Variants in SSRP1 observed in about 807,000 individuals in gnomAD.
SSRP1 encodes FACT complex subunit SSRP1.
In SSRP1, 21 loss-of-function variants were observed where a neutral mutation model predicts 84.4. That is an observed-to-expected ratio of 0.25 (90% CI 0.18 to 0.36). The LOEUF (loss-of-function observed/expected upper bound fraction) is 0.36. Ranked by LOEUF, SSRP1 falls within the 10% of genes least tolerant of loss-of-function variation. The pLI, the probability that SSRP1 is intolerant of heterozygous loss-of-function variation, is 1.00. For synonymous variants in SSRP1, 319 were observed against 318.3 expected (o/e 1.00, Z -0.02); for missense variants, 519 against 900.8 (o/e 0.58, Z 5.43).
chr11:57,330,061 T>C lies in SSRP1; in HGVS notation c.1481+32A>G. 1 of 1,613,816 alleles carries C rather than the reference T, an allele frequency of 6.2e-7. No individual in the cohort carries two copies. The highest frequency in any genetic ancestry group is 8.5e-7 in the Non-Finnish European group (1 of 1,179,720). Reference sequence around the variant, plus strand: ...GGTCCCTTAAGCTTATGGGTCACCATCTTATCCCCACAAGGTACCACCAAA... The same window carrying C: ...GGTCCCTTAAGCTTATGGGTCACCACCTTATCCCCACAAGGTACCACCAAA... On this transcript the variant is annotated intron_variant, in intron 12 of 16. Transcript: ENST00000278412. The surrounding 1 kb of genome is among the most constrained non-coding windows in gnomAD (Gnocchi z 4.0).
Position 57,326,835 on chromosome 11 carries a change from C to T in SSRP1, c.1926G>A (p.Thr642=), listed in dbSNP as rs747970885. ...KVKVKMEKKS[T]PSRGSSSKSS... ...ACTTGGATGATGAGCCCCTAGAGGG[C>T]GTGGATTTCTTTTCCATCTTTACCT... is the stretch of plus-strand genomic sequence containing the variant. The change falls in exon 16 of 17, where the codon ACG becomes ACA. Residue 642 remains threonine (T), a synonymous_variant. Coordinates refer to ENST00000278412, the MANE Select transcript of SSRP1 (RefSeq NM_003146.3). The T allele has an allele frequency of 1.1e-5, 18 of 1,614,046 alleles. No individual in the cohort carries two copies. Among genetic ancestry groups the T allele is most frequent in the South Asian group, 3.3e-5 (3 of 91,082 alleles).
chr11:57,333,290 T>A lies in SSRP1; in HGVS notation c.347-141A>T, dbSNP rs1209907514. The stretch of plus-strand genomic sequence containing the variant: ...ATAACCCCAACCCCAGGCAGTATAC[T>A]GTAGGTACTCAATAAACACATGATG... On this transcript the variant is annotated intron_variant, in intron 4 of 16. Transcript: ENST00000278412. 7 of 1,129,330 alleles carry A rather than the reference T, an allele frequency of 6.2e-6. No individual in the cohort carries two copies. The African/African-American group carries it at 1.1e-4, about 18-fold the overall frequency. 70.0% of individuals were successfully genotyped at this position (1,129,330 alleles called of 1,614,324 possible).
chr11:57,334,796 T>G (rs1333806679), intron 2 of SSRP1, 148 bp from the exon 3 acceptor site: 5 of 1,000,696 alleles, frequency 5.0e-6, no homozygotes, highest in Non-Finnish European at 7.4e-6. Context: ...GGAGTCTAGA[T>G]TCTAAACCAG....
chr11:57,335,663 C>A lies in SSRP1; in HGVS notation c.-120+67G>T, dbSNP rs1306711460. ...CCGCGGTTGCGAACGCGGAATGGTC[C>A]ATGTCGAGGGTCCCGTGGGGGAGCG... On this transcript the variant is annotated intron_variant, in intron 1 of 16. Transcript: ENST00000278412. The surrounding 1 kb of genome is among the most constrained non-coding windows in gnomAD (Gnocchi z 4.6). 1.9e-5 allele frequency: 3 copies of A among 156,862 alleles called. No homozygotes were observed. The South Asian group carries it at 5.7e-4, about 30-fold the overall frequency. The allele number at this position is 156,862 out of a possible 1,614,324, so 9.7% of individuals were successfully genotyped here. A position where few individuals can be genotyped will look rare whatever the true frequency, so the allele number is the denominator to read the frequency against.
At position 57,326,132 on chromosome 11, in the gene SSRP1, C is replaced by A; in HGVS notation, c.*275G>T. 1.9e-6 allele frequency: 1 copy of A among 519,076 alleles called. No homozygotes were observed. Among genetic ancestry groups the A allele is most frequent in the Admixed American group, 3.3e-5 (1 of 30,326 alleles). The allele number at this position is 519,076 out of a possible 1,614,324, so 32.2% of individuals were successfully genotyped here. A position where few individuals can be genotyped will look rare whatever the true frequency, so the allele number is the denominator to read the frequency against. Reference sequence around the variant, plus strand: ...ACTTGAACAGGACAAGCAGCAGCTACATCCTTAAGGTCGGGAAAGTAAGAT... The same window carrying A: ...ACTTGAACAGGACAAGCAGCAGCTAAATCCTTAAGGTCGGGAAAGTAAGAT... On this transcript the variant is annotated 3_prime_UTR_variant, in exon 17 of 17. Transcript: ENST00000278412.
intron 8 of SSRP1, 57 bp from the exon 9 acceptor site, chr11:57,331,946 T>TA: frequency 6.5e-7 from 1 of 1,543,062 alleles, no homozygotes; most frequent in South Asian, 1.1e-5. Flanking sequence ...GCAAAGGGCG[T>TA]ATCTAGCAGC....
At chr11:57,328,631 C>G in intron 12 of SSRP1, 1 of 595,312 alleles carries the variant, frequency 1.7e-6, no homozygotes. Context: ...GACCCAGCCA[C>G]AGCAATTGGT....
At chr11:57,334,161 A>G (rs1191095693) in intron 3 of SSRP1, among the ~76,000 whole-genome samples, 1 of 152,190 alleles carries the variant, frequency 6.6e-6, no homozygotes, top group South Asian at 2.1e-4. Context: ...CCCAAAAAAA[A>G]CCAAAAACAC....
rs1401912050 is a variant in SSRP1 at position 57,335,406 on chromosome 11, G to C, written c.-119-166C>G. 1.0e-4 allele frequency: 40 copies of C among 390,552 alleles called. No individual in the cohort carries two copies. In the East Asian group the frequency reaches 2.1e-3, roughly 20 times the overall value. 24.2% of individuals were successfully genotyped at this position (390,552 alleles called of 1,614,324 possible). On this transcript the variant is annotated intron_variant, in intron 1 of 16. Coordinates refer to ENST00000278412, the MANE Select transcript of SSRP1 (RefSeq NM_003146.3). This position sits in a 1 kb window ranked among gnomAD's most constrained non-coding sequence, Gnocchi z 4.6. The stretch of plus-strand genomic sequence containing the variant: ...GCCCGAGGGTCCAGGTCCAGGCCTG[G>C]GTGGAGAACCGGGCCCGGAATACCG...
Position 57,335,547 on chromosome 11 carries a change from G to C in SSRP1, c.-120+183C>G, listed in dbSNP as rs1856199215. The C allele has an allele frequency of 3.8e-6, 1 of 265,738 alleles. No individual in the cohort carries two copies. Among genetic ancestry groups the C allele is most frequent in the African/African-American group, 2.2e-5 (1 of 45,886 alleles). The allele number at this position is 265,738 out of a possible 1,614,324, so 16.5% of individuals were successfully genotyped here. On this transcript the variant is annotated intron_variant, in intron 1 of 16. Coordinates refer to ENST00000278412, the MANE Select transcript of SSRP1 (RefSeq NM_003146.3). The surrounding 1 kb of genome is among the most constrained non-coding windows in gnomAD (Gnocchi z 4.6). ...ATCGCACGCGACCCAATCCAGCTCA[G>C]AGTGCAGGGTTTCCCTCGCACCGCT... is the stretch of plus-strand genomic sequence containing the variant.
In SSRP1 at chr11:57,333,479, T is replaced by G; in HGVS notation, c.302A>C (p.Asp101Ala). The G allele has an allele frequency of 1.9e-6, 3 of 1,614,008 alleles. No individual in the cohort carries two copies. Among genetic ancestry groups the G allele is most frequent in the Non-Finnish European group, 2.5e-6 (3 of 1,180,034 alleles). ...THYRLELMEK[D>A]LCVKGWNWGT... The stretch of plus-strand genomic sequence containing the variant: ...CCAGTTCCAGCCCTTCACACAAAGG[T>G]CCTTCTCCATTAGCTCAAGGCGATA... Residue 101 changes from aspartate (D) to alanine (A), a missense_variant, in exon 4 of 17, where the codon GAC becomes GCC. Physicochemically the swap from Asp to Ala is moderately radical, Grantham distance 126. Around this residue, in one of 7 missense-constraint regions of SSRP1, gnomAD observed 159 missense variants for 359.0 expected, o/e 0.44. Transcript: ENST00000278412.
Position 57,327,895 on chromosome 11 carries a change from C to T in SSRP1, c.1612-13G>A. ...TGCCCTTCTTCACCTACATAAGAAC[C>T]CAAATGCCTTCAGCTATTTCCCACA... On this transcript the variant is annotated splice_polypyrimidine_tract_variant and intron_variant, in intron 13 of 16. Coordinates refer to ENST00000278412, the MANE Select transcript of SSRP1 (RefSeq NM_003146.3). The T allele has an allele frequency of 1.2e-6, 2 of 1,610,216 alleles. No homozygotes were observed. Among genetic ancestry groups the T allele is most frequent in the Non-Finnish European group, 1.7e-6 (2 of 1,177,304 alleles).
At position 57,328,403 on chromosome 11, in the gene SSRP1, C is replaced by T; in HGVS notation, c.1505G>A (p.Ser502Asn). ...ACTGTCACCCTCATTACTGGAGGAG[C>T]TGGCAGAGGCGTTGCTGTCAAACCT... ...AEEFDSNASA[S>N]SSSNEGDSDR... The change falls in exon 13 of 17, where the codon AGC (serine) becomes AAC (asparagine). Residue 502 changes from serine to asparagine, a missense_variant. This residue lies in a region of SSRP1 where 197 missense variants were observed against 265.0 expected (regional missense o/e 0.74). Transcript: ENST00000278412. 1 of 1,614,194 alleles carries T rather than the reference C, an allele frequency of 6.2e-7. No homozygotes were observed.
At position 57,327,794 on chromosome 11, in the gene SSRP1, G is replaced by A. The variant is rs1273390577; in HGVS notation, c.1700C>T (p.Ser567Leu). Residue 567 changes from serine (S) to leucine (L), a missense_variant, in exon 14 of 17, where the codon TCA becomes TTA. This residue lies in a region of SSRP1 where 197 missense variants were observed against 265.0 expected (regional missense o/e 0.74). Transcript: ENST00000278412. ...WLNASREKIK[S>L]DHPGISITDL... ...CGTGATGCTGATGCCAGGATGGTCT[G>A]ACTTGATCTTCTCTCGGCTGGCATT... The A allele has an allele frequency of 6.2e-7, 1 of 1,614,014 alleles. No homozygotes were observed. The highest frequency in any genetic ancestry group is 1.3e-5 in the African/African-American group (1 of 74,914).
Position 57,332,362 on chromosome 11 carries a change from C to G in SSRP1, c.872+21G>C. On this transcript the variant is annotated intron_variant, in intron 7 of 16. Transcript: ENST00000278412. The surrounding 1 kb of genome is among the most constrained non-coding windows in gnomAD (Gnocchi z 5.5). ...CTCCTGCCTGGACAGTGGTAGGAAA[C>G]GAGTCCAGGGAGACACTCACTCGTT... The G allele has an allele frequency of 1.9e-6, 3 of 1,613,786 alleles. No homozygotes were observed. Among genetic ancestry groups the G allele is most frequent in the Non-Finnish European group, 2.5e-6 (3 of 1,179,768 alleles).
At position 57,332,968 on chromosome 11, in the gene SSRP1, G is replaced by A; in HGVS notation, c.528C>T (p.Asp176=). ...CCAGGGGAAGCCTCACCTCAACAGGGTCCACACCATCCTCCTGGGTGGGTG... is the reference window on the plus strand; with the variant it reads ...CCAGGGGAAGCCTCACCTCAACAGGATCCACACCATCCTCCTGGGTGGGTG... ...YVPPTQEDGV[D]PVEAFAQNVL... is the part of the protein sequence containing the mutation. Residue 176 remains aspartate, a synonymous_variant, in exon 5 of 17, where the codon GAC becomes GAT. Transcript: ENST00000278412. This position sits in a 1 kb window ranked among gnomAD's most constrained non-coding sequence, Gnocchi z 5.5. The A allele has an allele frequency of 1.2e-6, 2 of 1,611,850 alleles. No individual in the cohort carries two copies. Among genetic ancestry groups the A allele is most frequent in the Non-Finnish European group, 1.7e-6 (2 of 1,178,656 alleles).
In SSRP1 at chr11:57,326,374, G is replaced by C; in HGVS notation, c.*33C>G. On this transcript the variant is annotated 3_prime_UTR_variant, in exon 17 of 17. Transcript: ENST00000278412. ...ATGGGTGGGGAGTCGGGGGGTGTGAGAAGGCAAGCGCAAAGAGAACCTTCC... is the reference window on the plus strand; with the variant it reads ...ATGGGTGGGGAGTCGGGGGGTGTGACAAGGCAAGCGCAAAGAGAACCTTCC... 1 of 1,609,414 alleles carries C rather than the reference G, an allele frequency of 6.2e-7. No individual in the cohort carries two copies. The highest frequency in any genetic ancestry group is 8.5e-7 in the Non-Finnish European group (1 of 1,176,162).
rs753457107 is a variant in SSRP1, at chr11:57,327,410, T to A, written c.1871+16A>T. ...GCCACAAAAATCAGTGACTGGGCCA[T>A]GTTCTCGACACTCACCTCTTAGAAG... On this transcript the variant is annotated intron_variant, in intron 15 of 16. Coordinates refer to ENST00000278412, the MANE Select transcript of SSRP1 (RefSeq NM_003146.3). 4 of 1,609,186 alleles carry A rather than the reference T, an allele frequency of 2.5e-6. No individual in the cohort carries two copies. The South Asian group carries it at 4.4e-5, about 18-fold the overall frequency.
intron 15 of SSRP1, chr11:57,327,145 A>G: frequency 4.3e-6 from 3 of 695,334 alleles, no homozygotes; most frequent in African/African-American, 1.8e-5. Flanking sequence ...TTTAGAGTTC[A>G]TGCAAACTGT....
Sources: gnomAD v4.1 joint callset for allele counts (sites outside exome capture counted in the v4.1 genomes callset) on GRCh38, gnomAD v4.1.1 for gene constraint, gnomAD v4.1.1 regional missense constraint, Gnocchi (gnomAD v3.1) non-coding constraint, MANE v1.5 for transcripts, NCBI Gene and HGNC (gene_info 2026-07-23, HGNC 2026-07-21) for gene names.